Variants in VPS8 observed in about 807,000 individuals in gnomAD.
VPS8 encodes vacuolar protein sorting-associated protein 8 homolog.
Under a neutral mutation model 216.4 loss-of-function variants are expected in VPS8, and 129 were observed. That is an observed-to-expected ratio of 0.60 (90% CI 0.52 to 0.69). VPS8 has a LOEUF of 0.69. Ranked by LOEUF, VPS8 falls within the 30% of genes least tolerant of loss-of-function variation. VPS8 has a pLI of 0.00. For missense variants in VPS8, 1,531 were observed against 1,683.5 expected, an observed-to-expected ratio of 0.91 and a Z score of 1.59; for synonymous variants, 571 against 565.4, an observed-to-expected ratio of 1.01 and a Z score of -0.14.
chr3:185,017,527 A>G (rs1755978656), intron 45 of VPS8, among the ~76,000 whole-genome samples: 1 of 152,198 alleles, frequency 6.6e-6, no homozygotes, highest in South Asian at 2.1e-4. Context: ...TCTGCTTTCC[A>G]GGGAACAGAA....
chr3:184,905,176 A>G lies in VPS8; in HGVS notation c.2146+4204A>G, dbSNP rs111365386. Reference sequence around the variant, plus strand: ...CCCTCATGACTTAAACACCTCCCCAAAGGCCCCCACCTCCCAACATTGTTG... The same window carrying G: ...CCCTCATGACTTAAACACCTCCCCAGAGGCCCCCACCTCCCAACATTGTTG... On this transcript the variant is annotated intron_variant, in intron 25 of 47. Coordinates refer to ENST00000625842, the MANE Select transcript of VPS8 (RefSeq NM_001009921.3). 2.5e-3 allele frequency among the ~76,000 whole-genome samples: 387 copies of G among 152,180 alleles called. 1 individual carries two copies. Among genetic ancestry groups the G allele is most frequent in the Middle Eastern group, 0.01 (3 of 294 alleles).
chr3:185,049,085 GT>G (rs1713610883), intron 47 of VPS8, among the ~76,000 whole-genome samples: 1 of 152,136 alleles, frequency 6.6e-6, no homozygotes, highest in Non-Finnish European at 1.5e-5. Flanking sequence ...ACTTAAACTC[GT>G]ATGGTTCAAC....
chr3:184,959,223 G>C (rs773282364), intron 37 of VPS8, among the ~76,000 whole-genome samples: 2 of 152,072 alleles, frequency 1.3e-5, no homozygotes, highest in African/African-American at 4.8e-5. Context: ...AAGGTACCAG[G>C]CCAGTTTTTC....
intron 21 of VPS8, among the ~76,000 whole-genome samples, chr3:184,885,808 C>G (rs566627088): frequency 6.6e-6 from 1 of 150,906 alleles, no homozygotes; most frequent in Non-Finnish European, 1.5e-5. Flanking sequence ...TTTTTTCTTT[C>G]CCATTTTCCC....
intron 23 of VPS8, among the ~76,000 whole-genome samples, chr3:184,896,128 G>C (rs1177261752): frequency 1.3e-5 from 2 of 152,080 alleles, no homozygotes; most frequent in Admixed American, 1.3e-4. Flanking sequence ...AGCTCTTTAT[G>C]AATGGCTGTG....
At chr3:184,925,772 A>ATTT (rs769693262) in intron 30 of VPS8, among the ~76,000 whole-genome samples, 3,433 of 121,498 alleles carry the variant, frequency 0.028, 202 homozygotes, top group African/African-American at 0.1. Flanking sequence ...TTCTCTCTCT[A>ATTT]TTTTTTTTTT....
At chr3:184,930,618 C>A in intron 34 of VPS8, 50 bp downstream of exon 34, 1 of 1,386,218 alleles carries the variant, frequency 7.2e-7, no homozygotes, top group Non-Finnish European at 1.0e-6. Flanking sequence ...ATCATCTAAC[C>A]CAAGTTAACT....
chr3:185,043,906 T>G (rs1266642373), intron 46 of VPS8, among the ~76,000 whole-genome samples: 1 of 152,156 alleles, frequency 6.6e-6, no homozygotes, highest in Non-Finnish European at 1.5e-5. Context: ...AAAGTGACTT[T>G]CGGCTGGGCA....
intron 45 of VPS8, among the ~76,000 whole-genome samples, chr3:185,001,230 C>T (rs1330356917): frequency 2.0e-5 from 3 of 152,118 alleles, no homozygotes; most frequent in Non-Finnish European, 4.4e-5. Context: ...GTTAGAGACT[C>T]CATGGTTTAA....
intron 44 of VPS8, among the ~76,000 whole-genome samples, chr3:184,998,500 T>TAGCGAG: frequency 7.1e-4 from 1 of 1,414 alleles, no homozygotes; most frequent in African/African-American, 1.6e-3. Flanking sequence ...TATATATATA[T>TAGCGAG]ATATATATAT....
chr3:184,961,464 T>C (rs981352627), intron 37 of VPS8, among the ~76,000 whole-genome samples: 1 of 152,192 alleles, frequency 6.6e-6, no homozygotes, highest in Non-Finnish European at 1.5e-5. Context: ...ATTTTATAGT[T>C]AACATTTTGC....
chr3:184,873,547 T>C (rs1356852662), intron 21 of VPS8, among the ~76,000 whole-genome samples: 3 of 152,154 alleles, frequency 2.0e-5, no homozygotes, highest in African/African-American at 7.2e-5. Flanking sequence ...AGAGGTTAAA[T>C]TATTTGTTCC....
chr3:184,943,042 C>G (rs571891599), intron 36 of VPS8, among the ~76,000 whole-genome samples: 1 of 152,106 alleles, frequency 6.6e-6, no homozygotes, highest in Admixed American at 6.6e-5. Context: ...CTACCTCCAC[C>G]CCATTCCGTT....
intron 5 of VPS8, chr3:184,836,376 C>T (rs1473595548): frequency 4.4e-6 from 2 of 454,628 alleles, no homozygotes; most frequent in Non-Finnish European, 8.8e-6. Context: ...TGAACCAGAA[C>T]AGTCATTTGA....
intron 1 of VPS8, among the ~76,000 whole-genome samples, chr3:184,821,954 T>C (rs1217358542): frequency 1.3e-5 from 2 of 152,136 alleles, no homozygotes; most frequent in African/African-American, 4.8e-5. Context: ...TTTTGACCAT[T>C]AGCCTCTACG....
chr3:184,963,687 T>G (rs573388475), intron 37 of VPS8, among the ~76,000 whole-genome samples: 2 of 152,248 alleles, frequency 1.3e-5, no homozygotes, highest in East Asian at 3.9e-4. Flanking sequence ...GTATGACTTC[T>G]AACCTTGTTC....
intron 45 of VPS8, among the ~76,000 whole-genome samples, chr3:185,009,612 G>C (rs916113785): frequency 2.6e-5 from 4 of 152,024 alleles, no homozygotes. Context: ...AGTTTTTTGC[G>C]GGGGGTAGGG....
chr3:184,928,843 G>A (rs1740163116), intron 32 of VPS8, among the ~76,000 whole-genome samples: 1 of 151,756 alleles, frequency 6.6e-6, no homozygotes, highest in African/African-American at 2.4e-5. Context: ...ATTGTTGATG[G>A]TTATCTTAGA....
intron 3 of VPS8, among the ~76,000 whole-genome samples, chr3:184,830,032 A>G (rs1327744708): frequency 6.6e-6 from 1 of 152,124 alleles, no homozygotes; most frequent in Non-Finnish European, 1.5e-5. Context: ...AAAATTTTCC[A>G]TTCGTGTGCG....
Sources: gnomAD v4.1 joint callset for allele counts (sites outside exome capture counted in the v4.1 genomes callset) on GRCh38, gnomAD v4.1.1 for gene constraint, MANE v1.5 for transcripts, NCBI Gene and HGNC (gene_info 2026-07-23, HGNC 2026-07-21) for gene names.